Variants in COL6A6 observed in about 807,000 individuals in gnomAD.
COL6A6 encodes the protein collagen alpha-6(VI) chain.
In COL6A6, 183 loss-of-function variants were observed where a neutral mutation model predicts 208.6. The ratio of observed to expected loss-of-function variants is 0.88; its 90% confidence interval spans 0.78 to 0.99. The LOEUF (loss-of-function observed/expected upper bound fraction) is 0.99. Among genes scored for constraint, COL6A6 ranks in the 50% least tolerant of loss-of-function variants. The pLI is 0.00. For missense variants in COL6A6, 2,816 were observed against 2,815.2 expected (o/e 1.00, Z -0.01); for synonymous variants, 973 against 1,011.8 (o/e 0.96, Z 0.73).
At chr3:130,626,796 G>C (rs568675166) in intron 25 of COL6A6, among the ~76,000 whole-genome samples, 2 of 152,278 alleles carry the variant, frequency 1.3e-5, no homozygotes, top group Non-Finnish European at 2.9e-5. Flanking sequence ...AACAAAACTT[G>C]TCTTCAGCAA....
intron 1 of COL6A6, among the ~76,000 whole-genome samples, chr3:130,543,193 C>A (rs529712860): frequency 6.6e-6 from 1 of 152,044 alleles, no homozygotes; most frequent in Non-Finnish European, 1.5e-5. Context: ...TGTGAGCCAC[C>A]GTGTCTGACC....
intron 29 of COL6A6, 32 bp downstream of exon 29, chr3:130,641,746 C>T: frequency 7.5e-7 from 1 of 1,333,080 alleles, no homozygotes; most frequent in Non-Finnish European, 1.1e-6. Context: ...CACAGCAGGT[C>T]CTTTTCCATT....
At chr3:130,539,723 G>C (rs1298290892) in intron 1 of COL6A6, among the ~76,000 whole-genome samples, 4 of 151,774 alleles carry the variant, frequency 2.6e-5, no homozygotes, top group African/African-American at 9.7e-5. Flanking sequence ...AGGTTCTTTT[G>C]ATCAAAATAT....
chr3:130,657,515 C>T (rs1004681057), intron 33 of COL6A6, among the ~76,000 whole-genome samples: 4 of 152,196 alleles, frequency 2.6e-5, no homozygotes, highest in African/African-American at 9.7e-5. Context: ...ATCAGTTGGC[C>T]ACTTGTGACT....
chr3:130,545,418 G>A (rs1216870426), intron 1 of COL6A6, among the ~76,000 whole-genome samples: 1 of 150,562 alleles, frequency 6.6e-6, no homozygotes, highest in Non-Finnish European at 1.5e-5. Flanking sequence ...ATTGCTCCAA[G>A]TGAGGGTTTT....
At chr3:130,590,441 C>G (rs1316725404) in intron 12 of COL6A6, among the ~76,000 whole-genome samples, 1 of 144,242 alleles carries the variant, frequency 6.9e-6, no homozygotes, top group African/African-American at 2.5e-5. Flanking sequence ...AGGTATATCT[C>G]CTAATGCTAT....
At chr3:130,532,255 AGTACCT>A (rs1478048292) in intron 1 of COL6A6, among the ~76,000 whole-genome samples, 1 of 152,178 alleles carries the variant, frequency 6.6e-6, no homozygotes, top group Non-Finnish European at 1.5e-5. Flanking sequence ...TCACTCAGGG[AGTACCT>A]GTGCTTGACA....
Position 130,574,364 on chromosome 3 carries a change from G to A in COL6A6, c.3386G>A (p.Gly1129Asp), listed in dbSNP as rs200904266. 1.0e-4 allele frequency: 166 copies of A among 1,614,010 alleles called. No homozygotes were observed. In the African/African-American group the frequency reaches 1.9e-3, roughly 19 times the overall value. ...AQAAEALRHR[G>D]IDIYSVGIGD... is the part of the protein sequence containing the mutation. ...GCCGCGGAAGCCCTGAGACACAGAGGTATCGACATCTACTCCGTGGGCATT... is the reference window on the plus strand; with the variant it reads ...GCCGCGGAAGCCCTGAGACACAGAGATATCGACATCTACTCCGTGGGCATT... The change falls in exon 8 of 37, where the codon GGT becomes GAT. Residue 1129 changes from glycine to aspartate, a missense_variant. Physicochemically the swap from Gly to Asp is moderately conservative, Grantham distance 94. Coordinates refer to ENST00000358511, the MANE Select transcript of COL6A6 (RefSeq NM_001102608.3).
chr3:130,566,965 G>A lies in COL6A6; in HGVS notation c.1546G>A (p.Gly516Ser), dbSNP rs189434004. ...IRQMGGNTNT[G>S]AALNFTLSLL... ...GCAGATGGGTGGGAATACAAACACA[G>A]GCGCAGCACTGAATTTCACACTGAG... is the stretch of plus-strand genomic sequence containing the variant. The change falls in exon 5 of 37, where the codon GGC (glycine) becomes AGC (serine). Residue 516 changes from glycine to serine, a missense_variant. Gly to Ser is a moderately conservative substitution (Grantham distance 56, BLOSUM62 0). Coordinates refer to ENST00000358511, the MANE Select transcript of COL6A6 (RefSeq NM_001102608.3). The A allele has an allele frequency of 3.2e-5, 51 of 1,614,048 alleles. No homozygotes were observed. In the East Asian group the frequency reaches 1.0e-3, roughly 32 times the overall value.
chr3:130,627,459 G>A, intron 26 of COL6A6, 90 bp downstream of exon 26: 2 of 1,065,998 alleles, frequency 1.9e-6, no homozygotes, highest in Non-Finnish European at 2.9e-6. Context: ...AGGGAAGCAG[G>A]GAATAAGGCA....
chr3:130,608,362 A>G (rs552250698), intron 21 of COL6A6, among the ~76,000 whole-genome samples: 1 of 152,220 alleles, frequency 6.6e-6, no homozygotes, highest in South Asian at 2.1e-4. Context: ...AACAACTGAA[A>G]TATAAACTTA....
At chr3:130,622,213 T>C (rs1255505064) in intron 24 of COL6A6, among the ~76,000 whole-genome samples, 61 of 79,220 alleles carry the variant, frequency 7.7e-4, no homozygotes, top group Admixed American at 2.8e-3. Flanking sequence ...ACCCCCCCCT[T>C]TTTTTTTTTC....
chr3:130,604,216 G>C (rs1185841132), intron 20 of COL6A6, among the ~76,000 whole-genome samples: 1 of 152,268 alleles, frequency 6.6e-6, no homozygotes, highest in South Asian at 2.1e-4. Context: ...TAACTGGGCC[G>C]GGCGTGGTGG....
chr3:130,590,792 C>T (rs928573075), intron 12 of COL6A6, among the ~76,000 whole-genome samples: 2 of 152,084 alleles, frequency 1.3e-5, no homozygotes, highest in African/African-American at 4.8e-5. Context: ...TGGTCTCGAT[C>T]TCCTGGCCTC....
At position 130,676,861 on chromosome 3, in the gene COL6A6, A is replaced by G. The variant is rs2066371758; in HGVS notation, c.*1464A>G. 1 of 152,356 alleles carries G rather than the reference A, an allele frequency of 6.6e-6. No homozygotes were observed. Among genetic ancestry groups the G allele is most frequent in the East Asian group, 1.9e-4 (1 of 5,190 alleles). 9.4% of individuals were successfully genotyped at this position (152,356 alleles called of 1,614,324 possible). On this transcript the variant is annotated 3_prime_UTR_variant, in exon 37 of 37. Coordinates refer to ENST00000358511, the MANE Select transcript of COL6A6 (RefSeq NM_001102608.3). ...TATCCTAAGTGGTGCTTAGGGGTTC[A>G]GAAAAAATGTTTCAAGTACAGGAAA...
At chr3:130,642,799 G>A (rs1055756281) in intron 29 of COL6A6, 33 bp from the exon 30 acceptor site, 6 of 1,606,152 alleles carry the variant, frequency 3.7e-6, no homozygotes, top group South Asian at 1.1e-5. Context: ...TATGTCTAGA[G>A]GCATTAAAAC....
intron 19 of COL6A6, among the ~76,000 whole-genome samples, chr3:130,598,750 G>C (rs991443010): frequency 9.2e-5 from 14 of 152,132 alleles, no homozygotes; most frequent in Non-Finnish European, 1.6e-4. Flanking sequence ...GCTAGCAAAA[G>C]AGCTGTTGGC....
intron 20 of COL6A6, among the ~76,000 whole-genome samples, chr3:130,602,852 TTCTGTATTC>T (rs1003157513): frequency 3.3e-5 from 5 of 152,220 alleles, no homozygotes; most frequent in Admixed American, 6.5e-5. Context: ...AAAAATTTTT[TTCTGTATTC>T]TCTGTATTCA....
At chr3:130,626,412 A>C in intron 24 of COL6A6, 73 bp from the exon 25 acceptor site, 1 of 1,037,630 alleles carries the variant, frequency 9.6e-7, no homozygotes, top group Non-Finnish European at 1.5e-6. Flanking sequence ...GTTGTGTGTG[A>C]TCCACACAGA....
Sources: gnomAD v4.1 joint callset for allele counts (sites outside exome capture counted in the v4.1 genomes callset) on GRCh38, gnomAD v4.1.1 for gene constraint, MANE v1.5 for transcripts, NCBI Gene and HGNC (gene_info 2026-07-23, HGNC 2026-07-21) for gene names.